The following OSBPL11 variants were observed in gnomAD, a reference collection of about 807,000 sequenced individuals.
OSBPL11 encodes the protein oxysterol binding protein like 11.
OSBPL11 carries 33 observed loss-of-function variants against 84.4 expected under a neutral mutation model. The ratio of observed to expected loss-of-function variants is 0.39; its 90% confidence interval spans 0.30 to 0.52. The LOEUF is 0.52. Ranked by LOEUF, OSBPL11 falls within the 20% of genes least tolerant of loss-of-function variation. The pLI is 0.72. For synonymous variants in OSBPL11, 276 were observed against 310.2 expected (o/e 0.89, Z 1.16); for missense variants, 736 against 901.1 (o/e 0.82, Z 2.35).
At chr3:125,575,871 T>G (rs1481740289) in intron 5 of OSBPL11, among the ~76,000 whole-genome samples, 1 of 151,452 alleles carries the variant, frequency 6.6e-6, no homozygotes, top group Non-Finnish European at 1.5e-5. Flanking sequence ...ATCACTTGTT[T>G]GGCTATACAG....
At chr3:125,541,913 T>C (rs1935734226) in intron 10 of OSBPL11, among the ~76,000 whole-genome samples, 1 of 152,086 alleles carries the variant, frequency 6.6e-6, no homozygotes. Flanking sequence ...AATAATAGAG[T>C]CAGGATTTGA....
In OSBPL11 at chr3:125,530,267, G is replaced by A. The variant is rs534812148; in HGVS notation, c.*248C>T. 4 of 455,372 alleles carry A rather than the reference G, an allele frequency of 8.8e-6. No individual in the cohort carries two copies. The South Asian group carries it at 1.2e-4, about 13-fold the overall frequency. The allele number at this position is 455,372 out of a possible 1,614,324, so 28.2% of individuals were successfully genotyped here. The stretch of plus-strand genomic sequence containing the variant: ...GAACTGGATAAAAGATTCATCTACT[G>A]ATTCAGGTAACAAGTTTTAAGATGG... On this transcript the variant is annotated 3_prime_UTR_variant, in exon 13 of 13. Transcript: ENST00000296220.
At chr3:125,556,363 C>T (rs1935991386) in intron 8 of OSBPL11, among the ~76,000 whole-genome samples, 2 of 152,170 alleles carry the variant, frequency 1.3e-5, no homozygotes, top group African/African-American at 4.8e-5. Flanking sequence ...TTCTTAGTCT[C>T]CTCTCCATGT....
chr3:125,535,908 G>A (rs942122819), intron 11 of OSBPL11, among the ~76,000 whole-genome samples: 10 of 151,186 alleles, frequency 6.6e-5, no homozygotes, highest in Non-Finnish European at 1.5e-4. Flanking sequence ...CGAGGTGGGC[G>A]GATCACCTGA....
chr3:125,548,530 T>C (rs1307846688), intron 9 of OSBPL11, among the ~76,000 whole-genome samples: 7 of 151,994 alleles, frequency 4.6e-5, no homozygotes, highest in Non-Finnish European at 1.0e-4. Flanking sequence ...TATTAAGTGA[T>C]GCTAATTAAA....
At chr3:125,593,439 G>A (rs912249104) in intron 1 of OSBPL11, among the ~76,000 whole-genome samples, 86 of 152,142 alleles carry the variant, frequency 5.7e-4, no homozygotes, top group Non-Finnish European at 1.0e-3. Flanking sequence ...GGCCAACATG[G>A]TGAAACCCCA....
At chr3:125,548,755 G>C (rs1183297671) in intron 9 of OSBPL11, among the ~76,000 whole-genome samples, 1 of 151,972 alleles carries the variant, frequency 6.6e-6, no homozygotes, top group Non-Finnish European at 1.5e-5. Context: ...TAAGCACTCA[G>C]TTCTCAATGT....
At chr3:125,578,108 C>A (rs1936358640) in intron 4 of OSBPL11, among the ~76,000 whole-genome samples, 1 of 151,940 alleles carries the variant, frequency 6.6e-6, no homozygotes, top group Non-Finnish European at 1.5e-5. Context: ...ATAATGCCTA[C>A]AAAATGAAAA....
In OSBPL11 at chr3:125,552,560, C is replaced by T; in HGVS notation, c.1275G>A (p.Met425Ile). The part of the protein sequence containing the change: ...ITNGATAEDR[M>I]IRFVEYYLTS... ...TAAGGTAGTACTCAACAAAGCGAATCATTCTGTCCTCAGCTGTGGCTCCAT... is the reference window on the plus strand; with the variant it reads ...TAAGGTAGTACTCAACAAAGCGAATTATTCTGTCCTCAGCTGTGGCTCCAT... Residue 425 changes from methionine to isoleucine, a missense_variant, in exon 9 of 13, where the codon ATG (methionine) becomes ATA (isoleucine). By Grantham distance (10) the Met-to-Ile change is conservative (BLOSUM62 1). Transcript: ENST00000296220. The T allele has an allele frequency of 1.9e-6, 3 of 1,614,200 alleles. No homozygotes were observed. Among genetic ancestry groups the T allele is most frequent in the Non-Finnish European group, 1.7e-6 (2 of 1,180,030 alleles).
At chr3:125,593,795 TA>T (rs1936638132) in intron 1 of OSBPL11, among the ~76,000 whole-genome samples, 1 of 152,166 alleles carries the variant, frequency 6.6e-6, no homozygotes, top group South Asian at 2.1e-4. Flanking sequence ...GCACAAAGGC[TA>T]AAAAGGACTA....
chr3:125,561,894 G>A (rs554251224), intron 7 of OSBPL11, among the ~76,000 whole-genome samples: 3 of 152,150 alleles, frequency 2.0e-5, no homozygotes, highest in South Asian at 2.1e-4. Context: ...CTACCTTACC[G>A]ATGAGGAAGT....
chr3:125,575,670 C>G (rs1188344005), intron 5 of OSBPL11, among the ~76,000 whole-genome samples: 1 of 149,940 alleles, frequency 6.7e-6, no homozygotes, highest in African/African-American at 2.5e-5. Flanking sequence ...GCTGGTACGA[C>G]AGGTGCACAC....
At chr3:125,544,753 G>A (rs1352341673) in intron 10 of OSBPL11, among the ~76,000 whole-genome samples, 1 of 152,044 alleles carries the variant, frequency 6.6e-6, no homozygotes, top group Non-Finnish European at 1.5e-5. Context: ...CTATATGCGG[G>A]TGAGAATGCA....
chr3:125,538,985 T>TA (rs1324582391), intron 10 of OSBPL11, among the ~76,000 whole-genome samples: 2 of 152,172 alleles, frequency 1.3e-5, no homozygotes, highest in East Asian at 3.9e-4. Context: ...CTAAAAGTGT[T>TA]ACAACATTAC....
chr3:125,561,336 C>T (rs1936075951), intron 7 of OSBPL11, among the ~76,000 whole-genome samples: 1 of 152,104 alleles, frequency 6.6e-6, no homozygotes, highest in East Asian at 1.9e-4. Context: ...ATCACATAAC[C>T]TCCTCTCTTG....
rs1580052768 is a variant in OSBPL11 at position 125,564,694 on chromosome 3, G to T, written c.869-851C>A. On this transcript the variant is annotated intron_variant, in intron 6 of 12. Coordinates refer to ENST00000296220, the MANE Select transcript of OSBPL11 (RefSeq NM_022776.5). ...TTTTGAGACAGAGTCTTGCTCTATT[G>T]CCCATGCTGGAGTGCAGTGGTGCAA... Among the ~76,000 whole-genome samples the T allele has an allele frequency of 4.9e-5, 7 of 143,100 alleles. No individual in the cohort carries two copies. In the South Asian group the frequency reaches 8.8e-4, roughly 18 times the overall value. 93.9% of individuals were successfully genotyped at this position (143,100 alleles called of 152,430 possible).
rs1258862516 is a variant in OSBPL11, at chr3:125,595,255, A to C, written c.-455T>G. Among the ~76,000 whole-genome samples, 1 of 152,048 alleles carries C rather than the reference A, an allele frequency of 6.6e-6. No individual in the cohort carries two copies. Among genetic ancestry groups the C allele is most frequent in the Non-Finnish European group, 1.5e-5 (1 of 67,970 alleles). ...AGGTCCTCAGGCAGTGCGTCCAGTC[A>C]AGCCCGCTCGGCAGTTCCCGCCGCA... is the stretch of plus-strand genomic sequence containing the variant. On this transcript the variant is annotated 5_prime_UTR_variant, in exon 1 of 13. Transcript: ENST00000296220.
chr3:125,592,617 G>A (rs940838030), intron 1 of OSBPL11, among the ~76,000 whole-genome samples: 2 of 152,200 alleles, frequency 1.3e-5, no homozygotes, highest in South Asian at 2.1e-4. Flanking sequence ...GAAGGAAACC[G>A]AGTGGCTGGG....
intron 9 of OSBPL11, among the ~76,000 whole-genome samples, chr3:125,551,181 AAAAATT>A (rs547655924): frequency 0.12 from 13,231 of 108,942 alleles, 546 homozygotes; most frequent in South Asian, 0.15. Flanking sequence ...AAAAAAAAAA[AAAAATT>A]AAATTAAATT....
Sources: allele counts gnomAD v4.1 joint callset (sites outside exome capture counted in the v4.1 genomes callset), GRCh38; gene constraint gnomAD v4.1.1; transcripts MANE v1.5; gene names NCBI Gene and HGNC (gene_info 2026-07-23, HGNC 2026-07-21).